The following RGPD2 variants were observed in gnomAD, a reference collection of about 807,000 sequenced individuals.
RGPD2 encodes RANBP2-like and GRIP domain-containing protein 2.
In RGPD2, 2 loss-of-function variants were observed where a neutral mutation model predicts 36.0. The ratio of observed to expected loss-of-function variants is 0.06; its 90% confidence interval spans 0.02 to 0.17. RGPD2 has a LOEUF of 0.17. Ranked by LOEUF, RGPD2 falls within the 10% of genes least tolerant of loss-of-function variation. The pLI, the probability that RGPD2 is intolerant of heterozygous loss-of-function variation, is 1.00. For missense variants in RGPD2, 40 were observed against 464.3 expected, an observed-to-expected ratio of 0.09 and a Z score of 8.40; for synonymous variants, 19 against 163.8, an observed-to-expected ratio of 0.12 and a Z score of 6.75.
chr2:87,924,619 T>C, the RGPD2 span, among the ~76,000 whole-genome samples: 1 of 152,110 alleles, frequency 6.6e-6, no homozygotes, highest in Non-Finnish European at 1.5e-5. Flanking sequence ...CAGTAATAAA[T>C]GTATTAGTAG....
At chr2:87,905,267 G>A in the RGPD2 span, among the ~76,000 whole-genome samples, 1 of 152,218 alleles carries the variant, frequency 6.6e-6, no homozygotes, top group Non-Finnish European at 1.5e-5. Flanking sequence ...CTGAACTGGA[G>A]ACCAGTAGAT....
chr2:87,822,358 G>C (rs1350541003), intron 1 of RGPD2, among the ~76,000 whole-genome samples: 1 of 150,910 alleles, frequency 6.6e-6, no homozygotes, highest in African/African-American at 2.4e-5. Context: ...AAAGAAATGA[G>C]TTTCCCAATT....
intron 22 of RGPD2, among the ~76,000 whole-genome samples, chr2:87,760,860 G>T (rs1001069726): frequency 6.8e-6 from 1 of 146,530 alleles, no homozygotes; most frequent in African/African-American, 2.5e-5. Flanking sequence ...CTTGCGATCT[G>T]CCCGCCTCGG....
the RGPD2 span, among the ~76,000 whole-genome samples, chr2:87,912,871 T>C: frequency 7.5e-6 from 1 of 132,664 alleles, no homozygotes; most frequent in African/African-American, 2.9e-5. Flanking sequence ...ACATGAACCC[T>C]TTACAAAAAG....
At chr2:87,913,947 G>A in the RGPD2 span, among the ~76,000 whole-genome samples, 5 of 152,112 alleles carry the variant, frequency 3.3e-5, no homozygotes, top group African/African-American at 7.2e-5. Flanking sequence ...GCTATTAAAT[G>A]TTTTTAAAAT....
the RGPD2 span, among the ~76,000 whole-genome samples, chr2:87,958,531 T>C: frequency 2.0e-5 from 3 of 152,294 alleles, no homozygotes; most frequent in African/African-American, 7.2e-5. Flanking sequence ...TAAAATGTTA[T>C]GTAATTAAAT....
chr2:87,955,239 C>T, the RGPD2 span, among the ~76,000 whole-genome samples: 1 of 147,308 alleles, frequency 6.8e-6, no homozygotes. Flanking sequence ...TGGTCTCGAT[C>T]TCCTGACCTC....
At chr2:87,763,195 AAG>A (rs1684939582) in intron 22 of RGPD2, among the ~76,000 whole-genome samples, 1 of 122,194 alleles carries the variant, frequency 8.2e-6, no homozygotes. Context: ...TCTCGCTCTG[AAG>A]CCCAGGCTGG....
the RGPD2 span, among the ~76,000 whole-genome samples, chr2:87,918,666 G>A: frequency 1.3e-5 from 2 of 152,094 alleles, no homozygotes; most frequent in African/African-American, 4.8e-5. Context: ...AATAGAGTAA[G>A]TGTGTTCAAA....
chr2:87,882,080 A>T, the RGPD2 span, among the ~76,000 whole-genome samples: 3 of 152,266 alleles, frequency 2.0e-5, no homozygotes, highest in Non-Finnish European at 4.4e-5. Flanking sequence ...GCCATGAGGG[A>T]TCTATCTCCA....
chr2:87,864,468 C>A, the RGPD2 span, among the ~76,000 whole-genome samples: 2 of 152,250 alleles, frequency 1.3e-5, no homozygotes, highest in Non-Finnish European at 2.9e-5. Context: ...ATACCACTCT[C>A]TTTCTGGTCC....
chr2:87,958,195 G>T, the RGPD2 span, among the ~76,000 whole-genome samples: 23 of 152,004 alleles, frequency 1.5e-4, no homozygotes, highest in South Asian at 4.8e-3. Context: ...AGTGGAGAAG[G>T]TATAACTCCA....
chr2:87,963,838 T>TTTC, the RGPD2 span, among the ~76,000 whole-genome samples: 1 of 13,822 alleles, frequency 7.2e-5, no homozygotes, highest in Non-Finnish European at 1.5e-4. Context: ...TCTTTCTTTC[T>TTTC]TTTTTTTTTT....
At chr2:87,839,957 G>A in the RGPD2 span, among the ~76,000 whole-genome samples, 1 of 151,558 alleles carries the variant, frequency 6.6e-6, no homozygotes, top group Non-Finnish European at 1.5e-5. Context: ...CACACTTACT[G>A]TAAAAGCCAG....
At chr2:87,840,717 T>C in the RGPD2 span, among the ~76,000 whole-genome samples, 1 of 147,250 alleles carries the variant, frequency 6.8e-6, no homozygotes, top group African/African-American at 2.5e-5. Flanking sequence ...AAAAAAGAAA[T>C]ACTCAATATC....
At chr2:87,934,695 A>G in the RGPD2 span, among the ~76,000 whole-genome samples, 85 of 150,176 alleles carry the variant, frequency 5.7e-4, no homozygotes, top group Middle Eastern at 3.4e-3. Context: ...AAAGATTGCA[A>G]TTTAAAATGG....
the RGPD2 span, among the ~76,000 whole-genome samples, chr2:87,961,817 C>G: frequency 1.5e-4 from 22 of 151,448 alleles, no homozygotes; most frequent in African/African-American, 5.1e-4. Flanking sequence ...TTTCTGTCGG[C>G]TTATAAGTGG....
chr2:87,984,542 TTA>T, the RGPD2 span, among the ~76,000 whole-genome samples: 2 of 150,196 alleles, frequency 1.3e-5, no homozygotes, highest in Middle Eastern at 3.4e-3. Flanking sequence ...TCAAAAATAT[TTA>T]GAGTGGTTAT....
At chr2:87,934,459 A>T in the RGPD2 span, among the ~76,000 whole-genome samples, 1 of 134,146 alleles carries the variant, frequency 7.5e-6, no homozygotes, top group Non-Finnish European at 1.6e-5. Context: ...GTGCCTTTTT[A>T]TGTCAATTAA....
Sources: allele counts gnomAD v4.1 joint callset (sites outside exome capture counted in the v4.1 genomes callset), GRCh38; gene constraint gnomAD v4.1.1; transcripts MANE v1.5; gene names NCBI Gene and HGNC (gene_info 2026-07-23, HGNC 2026-07-21).